ZNF385B: variants seen among roughly 807,000 people sequenced by gnomAD.
The protein encoded by ZNF385B is zinc finger protein 533.
In ZNF385B, 23 loss-of-function variants were observed where a neutral mutation model predicts 39.2. The ratio of observed to expected loss-of-function variants is 0.59; its 90% CI spans 0.42 to 0.83. The LOEUF (loss-of-function observed/expected upper bound fraction) is 0.83, where lower values mean the gene tolerates loss of function less well. ZNF385B is among the 40% of genes least tolerant of loss of function. The pLI, the probability that ZNF385B is intolerant of heterozygous loss-of-function variation, is 0.00. For missense variants in ZNF385B, 552 were observed against 598.9 expected (o/e 0.92, Z 0.82); for synonymous variants, 205 against 222.6 (o/e 0.92, Z 0.70).
chr2:179,633,765 C>A (rs929833141), intron 3 of ZNF385B, among the ~76,000 whole-genome samples: 12 of 152,144 alleles, frequency 7.9e-5, no homozygotes, highest in Admixed American at 5.9e-4. Context: ...GTCAAATTGT[C>A]CCTGTTTGCA....
intron 6 of ZNF385B, among the ~76,000 whole-genome samples, chr2:179,452,499 C>CTT (rs60096127): frequency 0.043 from 6,580 of 152,040 alleles, 468 homozygotes; most frequent in African/African-American, 0.15. Context: ...ATACCTAGGT[C>CTT]TTAATTTTAA....
At position 179,765,360 on chromosome 2, in the gene ZNF385B, A is replaced by G. The variant is rs1248783209; in HGVS notation, c.298+4143T>C. On this transcript the variant is annotated intron_variant, in intron 3 of 9. Coordinates refer to ENST00000410066, the MANE Select transcript of ZNF385B (RefSeq NM_152520.6). ...TGATAGATATTTAATTTCAGGCAGT[A>G]TGGAGTGACTTTCCCCAGAGCTGCA... 2.0e-5 allele frequency among the ~76,000 whole-genome samples: 3 copies of G among 152,280 alleles called. No individual in the cohort carries two copies. The East Asian group carries it at 5.8e-4, about 29-fold the overall frequency.
At chr2:179,628,159 A>G (rs1173282872) in intron 3 of ZNF385B, among the ~76,000 whole-genome samples, 1 of 152,134 alleles carries the variant, frequency 6.6e-6, no homozygotes, top group Admixed American at 6.6e-5. Flanking sequence ...TCACAATACT[A>G]TTATCGCATG....
intron 1 of ZNF385B, among the ~76,000 whole-genome samples, chr2:179,808,307 C>G (rs1403437226): frequency 2.0e-5 from 3 of 152,204 alleles, no homozygotes; most frequent in African/African-American, 7.2e-5. Context: ...GCTGGGATTA[C>G]AGGCGTGAGC....
chr2:179,801,499 C>A (rs902838392), intron 1 of ZNF385B, among the ~76,000 whole-genome samples: 2 of 152,064 alleles, frequency 1.3e-5, no homozygotes, highest in African/African-American at 4.8e-5. Flanking sequence ...CCAACTCCCT[C>A]CTCTGTGCTA....
chr2:179,470,200 G>A (rs992993465), intron 6 of ZNF385B, among the ~76,000 whole-genome samples: 1 of 152,152 alleles, frequency 6.6e-6, no homozygotes, highest in African/African-American at 2.4e-5. Context: ...GAGACCACAT[G>A]TTGAAACTTC....
intron 3 of ZNF385B, among the ~76,000 whole-genome samples, chr2:179,636,242 T>C (rs1691740171): frequency 6.6e-6 from 1 of 152,180 alleles, no homozygotes; most frequent in African/African-American, 2.4e-5. Flanking sequence ...CTGGGTGCTG[T>C]AGAGTACATT....
At chr2:179,598,820 G>T (rs1688196659) in intron 3 of ZNF385B, among the ~76,000 whole-genome samples, 1 of 152,028 alleles carries the variant, frequency 6.6e-6, no homozygotes. Context: ...TAACTTTATT[G>T]TTCAACTTTC....
In ZNF385B at chr2:179,562,805, C is replaced by T. The variant is rs115235392; in HGVS notation, c.299-17836G>A. Among the ~76,000 whole-genome samples the T allele has an allele frequency of 7.1e-3, 1,084 of 152,274 alleles. 12 individuals carry two copies. The highest frequency in any genetic ancestry group is 0.024 in the African/African-American group (1,015 of 41,562). ...TCCCTCCTAACAAAACAATTCAATT[C>T]TCTCAAAATATCTACTTATCACAAC... is the stretch of plus-strand genomic sequence containing the variant. On this transcript the variant is annotated intron_variant, in intron 3 of 9. Coordinates refer to ENST00000410066, the MANE Select transcript of ZNF385B (RefSeq NM_152520.6).
chr2:179,505,513 A>G (rs967255259), intron 5 of ZNF385B, among the ~76,000 whole-genome samples: 3 of 152,130 alleles, frequency 2.0e-5, no homozygotes, highest in African/African-American at 7.2e-5. Flanking sequence ...AAGATTTCAT[A>G]GCTGTCCCTC....
chr2:179,782,227 GA>G (rs959311646), intron 1 of ZNF385B, among the ~76,000 whole-genome samples: 1 of 151,864 alleles, frequency 6.6e-6, no homozygotes, highest in Non-Finnish European at 1.5e-5. Context: ...GAACTAAAAA[GA>G]AAAAACACAT....
At chr2:179,775,784 A>C (rs1191188659) in intron 1 of ZNF385B, among the ~76,000 whole-genome samples, 1 of 152,170 alleles carries the variant, frequency 6.6e-6, no homozygotes, top group Non-Finnish European at 1.5e-5. Flanking sequence ...TGTAATGGAG[A>C]CTCTGGAGAT....
At chr2:179,760,050 ATT>A (rs11435978) in intron 3 of ZNF385B, among the ~76,000 whole-genome samples, 3 of 145,030 alleles carry the variant, frequency 2.1e-5, no homozygotes, top group Admixed American at 1.4e-4. Context: ...CATAGTAAAA[ATT>A]TTTTTTTTTT....
At chr2:179,584,031 A>G (rs773792829) in intron 3 of ZNF385B, 1 of 957,710 alleles carries the variant, frequency 1.0e-6, no homozygotes, top group South Asian at 1.4e-5. Context: ...ATTGTTGAAG[A>G]AGACATAGTC....
In ZNF385B at chr2:179,545,034, C is replaced by A. The variant is rs543822476; in HGVS notation, c.299-65G>T. On this transcript the variant is annotated intron_variant, in intron 3 of 9. Transcript: ENST00000410066. ...CACATCCATCTCCCTCCCAAACCTA[C>A]AGTGCAAGAACAAGTCTGTTGAGCT... The A allele has an allele frequency of 4.1e-4, 664 of 1,606,414 alleles. 5 individuals are homozygous for A. In the African/African-American group the frequency reaches 8.0e-3, roughly 19 times the overall value.
At chr2:179,567,714 T>C (rs1336066355) in intron 3 of ZNF385B, among the ~76,000 whole-genome samples, 1 of 152,218 alleles carries the variant, frequency 6.6e-6, no homozygotes, top group Non-Finnish European at 1.5e-5. Flanking sequence ...AAGGCAGGAC[T>C]TGAGCAAGAC....
At chr2:179,726,059 T>C (rs1377539730) in intron 3 of ZNF385B, among the ~76,000 whole-genome samples, 5 of 151,898 alleles carry the variant, frequency 3.3e-5, no homozygotes, top group Non-Finnish European at 7.4e-5. Flanking sequence ...CTCCCTAAAG[T>C]GGTAGCTCCT....
At chr2:179,838,036 T>TATTA (rs57158288) in intron 1 of ZNF385B, among the ~76,000 whole-genome samples, 6,963 of 152,236 alleles carry the variant, frequency 0.046, 266 homozygotes, top group African/African-American at 0.11. Flanking sequence ...ACCTACAATT[T>TATTA]ATTAATTCTT....
intron 3 of ZNF385B, among the ~76,000 whole-genome samples, chr2:179,738,409 C>T (rs1290457737): frequency 1.3e-5 from 2 of 152,194 alleles, no homozygotes; most frequent in Non-Finnish European, 2.9e-5. Context: ...CCCAGCTGAG[C>T]AAAGAGCAGG....
Sources: allele counts gnomAD v4.1 joint callset (sites outside exome capture counted in the v4.1 genomes callset), GRCh38; gene constraint gnomAD v4.1.1; transcripts MANE v1.5; gene names NCBI Gene and HGNC (gene_info 2026-07-23, HGNC 2026-07-21).